CREBBP: variants seen among roughly 807,000 people sequenced by gnomAD.
CREBBP encodes CREB-binding protein.
A neutral mutation model predicts 265.0 loss-of-function variants in CREBBP; 19 were observed. That is an observed-to-expected ratio of 0.07 (90% CI 0.05 to 0.11). The LOEUF is 0.11. Among genes scored for constraint, CREBBP ranks in the 10% least tolerant of loss-of-function variants. The probability of loss-of-function intolerance (pLI) is 1.00; values close to 1 mark genes in which losing one functional copy is unlikely to be tolerated. For synonymous variants in CREBBP, 1,457 were observed against 1,223.7 expected, an observed-to-expected ratio of 1.19 and a Z score of -3.98; for missense variants, 2,525 against 3,219.0, an observed-to-expected ratio of 0.78 and a Z score of 5.22.
intron 2 of CREBBP, among the ~76,000 whole-genome samples, chr16:3,830,099 G>C (rs557829082): frequency 6.6e-6 from 1 of 152,134 alleles, no homozygotes; most frequent in Non-Finnish European, 1.5e-5. Flanking sequence ...ATACTTAAGA[G>C]ACAAAGTTAA....
chr16:3,767,948 C>T (rs757099409), intron 15 of CREBBP, 39 bp from the exon 16 acceptor site: 4 of 1,597,670 alleles, frequency 2.5e-6, no homozygotes, highest in East Asian at 2.2e-5. Flanking sequence ...GAATATCAAA[C>T]ACCTTTATGT....
At chr16:3,874,917 A>G (rs949760952) in intron 1 of CREBBP, among the ~76,000 whole-genome samples, 9 of 152,244 alleles carry the variant, frequency 5.9e-5, no homozygotes, top group African/African-American at 2.2e-4. Flanking sequence ...TGCAATCTTC[A>G]GAAACTCACA....
At chr16:3,808,518 G>C (rs1287350143) in intron 3 of CREBBP, among the ~76,000 whole-genome samples, 2 of 152,256 alleles carry the variant, frequency 1.3e-5, no homozygotes, top group African/African-American at 4.8e-5. Flanking sequence ...CAGCCCTGCT[G>C]CAGGTGAAGG....
At chr16:3,764,833 T>C (rs1196174366) in intron 16 of CREBBP, among the ~76,000 whole-genome samples, 3 of 152,056 alleles carry the variant, frequency 2.0e-5, no homozygotes, top group Non-Finnish European at 4.4e-5. Context: ...TCCTCCCACT[T>C]TGGCCTTCCA....
intron 2 of CREBBP, among the ~76,000 whole-genome samples, chr16:3,814,935 C>T (rs2054010223): frequency 6.6e-6 from 1 of 152,222 alleles, no homozygotes; most frequent in African/African-American, 2.4e-5. Context: ...GGTCAGCTCT[C>T]TCACAGGGTA....
chr16:3,790,904 T>G (rs1361474618), intron 5 of CREBBP, among the ~76,000 whole-genome samples: 1 of 152,208 alleles, frequency 6.6e-6, no homozygotes, highest in Non-Finnish European at 1.5e-5. Flanking sequence ...TTTTTCCATC[T>G]TTCCCTGGGC....
chr16:3,836,484 G>A (rs568571310), intron 2 of CREBBP, among the ~76,000 whole-genome samples: 60 of 151,392 alleles, frequency 4.0e-4, no homozygotes, highest in Admixed American at 1.2e-3. Context: ...AGCAGTAATT[G>A]TCGGGGGATG....
At chr16:3,776,529 T>TA (rs1286035743) in intron 11 of CREBBP, among the ~76,000 whole-genome samples, 1 of 152,124 alleles carries the variant, frequency 6.6e-6, no homozygotes, top group African/African-American at 2.4e-5. Flanking sequence ...CAGCTGGGCT[T>TA]AACCCCTAGG....
At chr16:3,776,423 T>C (rs532176210) in intron 11 of CREBBP, among the ~76,000 whole-genome samples, 5 of 152,224 alleles carry the variant, frequency 3.3e-5, no homozygotes, top group Middle Eastern at 3.4e-3. Context: ...AGAGGCTCTC[T>C]ACTTAAGAAC....
rs2141493940 is a variant in CREBBP, at chr16:3,850,656, C to T, written c.439G>A (p.Ala147Thr). Reference sequence around the variant, plus strand: ...GCTTGCGGATTCAGTGCTTGGGAGGCAGCGGGGGTGGGCCCAGAGGTGCTG... The same window carrying T: ...GCTTGCGGATTCAGTGCTTGGGAGGTAGCGGGGGTGGGCCCAGAGGTGCTG... ...AASTSGPTPA[A>T]SQALNPQAQK... is the part of the protein sequence containing the mutation. Residue 147 changes from alanine to threonine, a missense_variant, in exon 2 of 31, where the codon GCC (alanine) becomes ACC (threonine). Physicochemically the swap from Ala to Thr is moderately conservative, Grantham distance 58. This residue lies in a region of CREBBP where 356 missense variants were observed against 340.4 expected (regional missense o/e 1.05). Coordinates refer to ENST00000262367, the MANE Select transcript of CREBBP (RefSeq NM_004380.3). 6.2e-7 allele frequency: 1 copy of T among 1,614,188 alleles called. No homozygotes were observed. Among genetic ancestry groups the T allele is most frequent in the African/African-American group, 1.3e-5 (1 of 75,066 alleles).
At position 3,777,649 on chromosome 16, in the gene CREBBP, G is replaced by C; in HGVS notation, c.2122C>G (p.Leu708Val). 6.2e-7 allele frequency: 1 copy of C among 1,614,090 alleles called. No homozygotes were observed. The highest frequency in any genetic ancestry group is 8.5e-7 in the Non-Finnish European group (1 of 1,180,036). The change falls in exon 11 of 31, where the codon CTG becomes GTG. Residue 708 changes from leucine (L) to valine (V), a missense_variant. This residue lies in a region of CREBBP where 548 missense variants were observed against 533.0 expected (regional missense o/e 1.03). Coordinates refer to ENST00000262367, the MANE Select transcript of CREBBP (RefSeq NM_004380.3). ...AQPVRPPNGP[L>V]SLPVNRMQVS... ...TGCATGCGATTCACTGGCAGGGACA[G>C]GGGTCCATCTATGGTGGCAAAACAA... is the stretch of plus-strand genomic sequence containing the variant.
At chr16:3,730,432 T>C (rs1383218867) in intron 30 of CREBBP, 2 of 160,942 alleles carry the variant, frequency 1.2e-5, no homozygotes, top group Non-Finnish European at 2.7e-5. Flanking sequence ...CCAGTGGGAC[T>C]TCCCCAACGC....
At position 3,727,557 on chromosome 16, in the gene CREBBP, CA is replaced by C; in HGVS notation, c.*160del. ...GATATTTAAATCAACTGGTTTTTAA[CA>C]AAAAAATATATTCTTTGTATTGTTT... On this transcript the variant is annotated 3_prime_UTR_variant, in exon 31 of 31. Coordinates refer to ENST00000262367, the MANE Select transcript of CREBBP (RefSeq NM_004380.3). The C allele has an allele frequency of 5.3e-6, 5 of 941,008 alleles. No individual in the cohort carries two copies. Among genetic ancestry groups the C allele is most frequent in the Non-Finnish European group, 5.3e-6 (4 of 748,222 alleles). The allele number at this position is 941,008 out of a possible 1,614,324, so 58.3% of individuals were successfully genotyped here.
At chr16:3,771,848 T>G (rs2053019089) in intron 13 of CREBBP, among the ~76,000 whole-genome samples, 2 of 150,418 alleles carry the variant, frequency 1.3e-5, no homozygotes, top group African/African-American at 4.9e-5. Context: ...TCTCGCTCTG[T>G]CACCCAGTCT....
chr16:3,728,289 T>C lies in CREBBP; in HGVS notation c.6758A>G (p.His2253Arg), dbSNP rs1029488452. The C allele has an allele frequency of 2.5e-5, 40 of 1,611,916 alleles. No individual in the cohort carries two copies. The highest frequency in any genetic ancestry group is 3.4e-5 in the Non-Finnish European group (40 of 1,179,538). The change falls in exon 31 of 31, where the codon CAT becomes CGT. Residue 2253 changes from histidine to arginine, a missense_variant. By Grantham distance (29) the His-to-Arg change is conservative. This residue lies in a region of CREBBP where 473 missense variants were observed against 459.3 expected (regional missense o/e 1.03). Coordinates refer to ENST00000262367, the MANE Select transcript of CREBBP (RefSeq NM_004380.3). This position sits in a 1 kb window ranked among gnomAD's most constrained non-coding sequence, Gnocchi z 8.7. Reference protein sequence around the residue: ...AMQQQQRMQQHLPLQGSSMGQ... With the variant: ...AMQQQQRMQQRLPLQGSSMGQ... ...CATGGAGCTGCCCTGGAGGGGGAGA[T>C]GCTGCTGCATGCGCTGCTGCTGCTG...
At position 3,769,141 on chromosome 16, in the gene CREBBP, G is replaced by A. The variant is rs763165115; in HGVS notation, c.3060+33C>T. 8.7e-6 allele frequency: 14 copies of A among 1,612,494 alleles called. No homozygotes were observed. The Admixed American group carries it at 1.8e-4, about 21-fold the overall frequency. On this transcript the variant is annotated intron_variant, in intron 15 of 30. Coordinates refer to ENST00000262367, the MANE Select transcript of CREBBP (RefSeq NM_004380.3). Reference sequence around the variant, plus strand: ...GGACACCTGGGTAAAGTTGCGATACGCAGTCAATGCATTCCTAGGGAGCGG... The same window carrying A: ...GGACACCTGGGTAAAGTTGCGATACACAGTCAATGCATTCCTAGGGAGCGG...
Position 3,774,026 on chromosome 16 carries a change from G to A in CREBBP, c.2284-96C>T, listed in dbSNP as rs976666996. 6.5e-6 allele frequency: 9 copies of A among 1,375,460 alleles called. No homozygotes were observed. The South Asian group carries it at 1.1e-4, about 16-fold the overall frequency. The allele number at this position is 1,375,460 out of a possible 1,614,324, so 85.2% of individuals were successfully genotyped here. ...AATGATCCAAGGCTTCACAACCCCAGAGGATGGCAAGCACAGGGCTCACAT... is the reference window on the plus strand; with the variant it reads ...AATGATCCAAGGCTTCACAACCCCAAAGGATGGCAAGCACAGGGCTCACAT... On this transcript the variant is annotated intron_variant, in intron 12 of 30. Coordinates refer to ENST00000262367, the MANE Select transcript of CREBBP (RefSeq NM_004380.3).
chr16:3,734,624 G>C (rs1400867218), intron 28 of CREBBP, among the ~76,000 whole-genome samples: 1 of 152,206 alleles, frequency 6.6e-6, no homozygotes, highest in Non-Finnish European at 1.5e-5. Context: ...TCCAGCGGGA[G>C]CAAGTCCGAA....
At chr16:3,855,319 G>A (rs145643898) in intron 1 of CREBBP, among the ~76,000 whole-genome samples, 25 of 152,350 alleles carry the variant, frequency 1.6e-4, no homozygotes, top group African/African-American at 6.0e-4. Context: ...GCTAGATGGA[G>A]TGCAGTGGCA....
Sources: allele counts gnomAD v4.1 joint callset (sites outside exome capture counted in the v4.1 genomes callset), GRCh38; gene constraint gnomAD v4.1.1; regional missense constraint gnomAD v4.1.1; non-coding constraint Gnocchi (gnomAD v3.1); transcripts MANE v1.5; gene names NCBI Gene and HGNC (gene_info 2026-07-23, HGNC 2026-07-21).